The following UNC13B variants were observed in gnomAD, a reference collection of about 807,000 sequenced individuals.
UNC13B encodes the protein protein unc-13 homolog B.
A neutral mutation model predicts 211.0 loss-of-function variants in UNC13B; 144 were observed. The observed-to-expected ratio is 0.68, with a 90% confidence interval of 0.60 to 0.78. UNC13B has a LOEUF of 0.78. Ranked by LOEUF, UNC13B falls within the 30% of genes least tolerant of loss-of-function variation. The pLI, the probability that UNC13B is intolerant of heterozygous loss-of-function variation, is 0.00. For missense variants in UNC13B, 1,777 were observed against 2,002.0 expected (o/e 0.89, Z 2.14); for synonymous variants, 709 against 725.8 (o/e 0.98, Z 0.37).
At chr9:35,342,950 A>AT (rs1435814785) in intron 11 of UNC13B, among the ~76,000 whole-genome samples, 1 of 152,212 alleles carries the variant, frequency 6.6e-6, no homozygotes, top group Non-Finnish European at 1.5e-5. Flanking sequence ...CCACCATCCT[A>AT]ATGTATTAAT....
chr9:35,305,558 A>C lies in UNC13B; in HGVS notation c.6154A>C (p.Ile2052Leu), dbSNP rs1026165629. Residue 2052 changes from isoleucine to leucine, a missense_variant, in exon 9 of 40, where the codon ATC becomes CTC. Physicochemically the swap from Ile to Leu is conservative, Grantham distance 5. Coordinates refer to ENST00000635942, the MANE Select transcript of UNC13B (RefSeq NM_001371189.2). The stretch of plus-strand genomic sequence containing the variant: ...TAGAAGACTGAACAAACAGACTACT[A>C]TCGATGACAGTAGGTTAGAGGAATC... ...RVRRLNKQTT[I>L]DDSRLEESTR... The C allele has an allele frequency of 2.5e-6, 1 of 398,996 alleles. No individual in the cohort carries two copies. The allele number at this position is 398,996 out of a possible 1,614,324, so 24.7% of individuals were successfully genotyped here.
chr9:35,199,232 C>T (rs1451093667), intron 1 of UNC13B, among the ~76,000 whole-genome samples: 1 of 152,082 alleles, frequency 6.6e-6, no homozygotes, highest in African/African-American at 2.4e-5. Flanking sequence ...TTTCTTAATC[C>T]GATCTATCAC....
chr9:35,290,497 A>G (rs1008567783), intron 7 of UNC13B, among the ~76,000 whole-genome samples: 1 of 151,626 alleles, frequency 6.6e-6, no homozygotes, highest in Non-Finnish European at 1.5e-5. Flanking sequence ...TAGAAGATTA[A>G]TTTCTTAAGA....
At chr9:35,362,836 C>G (rs1245158415) in intron 11 of UNC13B, among the ~76,000 whole-genome samples, 1 of 151,340 alleles carries the variant, frequency 6.6e-6, no homozygotes, top group African/African-American at 2.4e-5. Context: ...TCTATTTGCT[C>G]TGGTTCTCAT....
At chr9:35,298,774 A>T (rs938955990) in intron 8 of UNC13B, among the ~76,000 whole-genome samples, 1 of 152,200 alleles carries the variant, frequency 6.6e-6, no homozygotes, top group Non-Finnish European at 1.5e-5. Flanking sequence ...TACACAGAAG[A>T]AGGCAGTCTT....
At chr9:35,233,611 T>G (rs1394258289) in intron 3 of UNC13B, among the ~76,000 whole-genome samples, 1 of 152,212 alleles carries the variant, frequency 6.6e-6, no homozygotes, top group Non-Finnish European at 1.5e-5. Context: ...CTATCTCCCG[T>G]TCTCCTTTTT....
chr9:35,281,524 C>A (rs1227786100), intron 7 of UNC13B, among the ~76,000 whole-genome samples: 1 of 151,884 alleles, frequency 6.6e-6, no homozygotes, highest in Non-Finnish European at 1.5e-5. Flanking sequence ...AACGTAAGTA[C>A]TTGATATTCA....
rs376030675 is a variant in UNC13B at position 35,365,422 on chromosome 9, C to T, written c.9415-1525C>T. 2.0e-5 allele frequency among the ~76,000 whole-genome samples: 3 copies of T among 152,318 alleles called. No individual in the cohort carries two copies. In the East Asian group the frequency reaches 5.8e-4, roughly 29 times the overall value. ...CACAGGAAATGTGCATGATCTGAGC[C>T]AGGTTCTCAGACTTTTTGTGACTTT... is the stretch of plus-strand genomic sequence containing the variant. On this transcript the variant is annotated intron_variant, in intron 11 of 39. Transcript: ENST00000635942.
In UNC13B at chr9:35,399,432, A is replaced by T; in HGVS notation, c.12239A>T (p.His4080Leu). The change falls in exon 35 of 40, where the codon CAT becomes CTT. Residue 4080 changes from histidine to leucine, a missense_variant. By Grantham distance (99) the His-to-Leu change is moderately conservative (BLOSUM62 -3). Coordinates refer to ENST00000635942, the MANE Select transcript of UNC13B (RefSeq NM_001371189.2). ...TTCACTGCTGCCAAGGAGCTGAGCC[A>T]TCTTTCCAAACTCAAGGTACTCTGG... ...LIFTAAKELS[H>L]LSKLKDHMVR... 6.2e-7 allele frequency: 1 copy of T among 1,614,100 alleles called. No individual in the cohort carries two copies. Among genetic ancestry groups the T allele is most frequent in the Non-Finnish European group, 8.5e-7 (1 of 1,180,022 alleles).
chr9:35,297,393 AT>A (rs899197917), intron 8 of UNC13B, among the ~76,000 whole-genome samples: 9 of 140,664 alleles, frequency 6.4e-5, no homozygotes, highest in East Asian at 2.2e-4. Flanking sequence ...CCTAAGACAC[AT>A]TTTTTTTTTG....
chr9:35,185,197 A>C (rs1231825538), intron 1 of UNC13B, among the ~76,000 whole-genome samples: 1 of 152,238 alleles, frequency 6.6e-6, no homozygotes, highest in Non-Finnish European at 1.5e-5. Flanking sequence ...GTGCCTCAGG[A>C]CAGTGAGGAG....
chr9:35,166,023 C>T (rs960158520), intron 1 of UNC13B, among the ~76,000 whole-genome samples: 1 of 152,128 alleles, frequency 6.6e-6, no homozygotes, highest in Non-Finnish European at 1.5e-5. Flanking sequence ...GTGTTTATAA[C>T]ATAGTTATTC....
intron 4 of UNC13B, among the ~76,000 whole-genome samples, chr9:35,237,209 A>G (rs561274344): frequency 6.6e-6 from 1 of 152,274 alleles, no homozygotes; most frequent in South Asian, 2.1e-4. Flanking sequence ...TGGTGTTAAC[A>G]TGGACCATGA....
At chr9:35,328,656 CT>C (rs1423425051) in intron 11 of UNC13B, among the ~76,000 whole-genome samples, 18 of 109,492 alleles carry the variant, frequency 1.6e-4, no homozygotes, top group African/African-American at 4.3e-4. Flanking sequence ...TCCTTCCTTC[CT>C]TCCTTCCTCC....
At chr9:35,384,756 A>G (rs2132276432) in intron 22 of UNC13B, 2 of 976,538 alleles carry the variant, frequency 2.0e-6, no homozygotes, top group East Asian at 1.1e-4. Flanking sequence ...AGTAATCTGT[A>G]TCAGAGAGCA....
Position 35,244,461 on chromosome 9 carries a change from C to T in UNC13B, c.468+1097C>T, listed in dbSNP as rs75100419. ...ACAGCAACCAAAATTTGTTTTCACA[C>T]AGTTCTGTAGACTGGAAGTCTGAAA... On this transcript the variant is annotated intron_variant, in intron 6 of 39. Coordinates refer to ENST00000635942, the MANE Select transcript of UNC13B (RefSeq NM_001371189.2). Among the ~76,000 whole-genome samples the T allele has an allele frequency of 7.2e-3, 1,097 of 152,260 alleles. 12 individuals carry two copies. Among genetic ancestry groups the T allele is most frequent in the African/African-American group, 0.025 (1,024 of 41,546 alleles).
chr9:35,180,024 A>G (rs1821848836), intron 1 of UNC13B, among the ~76,000 whole-genome samples: 1 of 152,194 alleles, frequency 6.6e-6, no homozygotes, highest in Non-Finnish European at 1.5e-5. Flanking sequence ...AACAGTAACC[A>G]TAGAAATCTG....
chr9:35,231,089 T>C (rs753812016), intron 2 of UNC13B, 31 bp from the exon 3 acceptor site: 3 of 1,418,498 alleles, frequency 2.1e-6, no homozygotes, highest in Non-Finnish European at 3.0e-6. Flanking sequence ...GAGCACTAAG[T>C]ATTATGTCTC....
At chr9:35,326,851 C>T (rs1831046483) in intron 11 of UNC13B, among the ~76,000 whole-genome samples, 1 of 152,164 alleles carries the variant, frequency 6.6e-6, no homozygotes, top group Non-Finnish European at 1.5e-5. Flanking sequence ...AAAACAGTGG[C>T]TAAGGAGGGA....
Sources: allele counts gnomAD v4.1 joint callset (sites outside exome capture counted in the v4.1 genomes callset), GRCh38; gene constraint gnomAD v4.1.1; transcripts MANE v1.5; gene names NCBI Gene and HGNC (gene_info 2026-07-23, HGNC 2026-07-21).